The following PLCB4 variants were observed in gnomAD, a reference collection of about 807,000 sequenced individuals.
PLCB4 encodes phospholipase C beta 4, also known as 1-phosphatidylinositol 4,5-bisphosphate phosphodiesterase beta-4.
In PLCB4, 77 loss-of-function variants were observed where a neutral mutation model predicts 178.8. That is an observed-to-expected ratio of 0.43 (90% confidence interval 0.36 to 0.52). The LOEUF is 0.52. PLCB4 is among the 20% of genes least tolerant of loss of function. The pLI is 0.00. For synonymous variants in PLCB4, 496 were observed against 490.8 expected, an observed-to-expected ratio of 1.01 and a Z score of -0.14; for missense variants, 1,024 against 1,453.4, an observed-to-expected ratio of 0.70 and a Z score of 4.80.
Position 9,410,928 on chromosome 20 carries a change from G to C in PLCB4, c.2000-109G>C, listed in dbSNP as rs145190431. ...AAGCAGAACCTTGTAGTATTAAAGA[G>C]GGACCTGTGGGCCTAGGAGCAATCT... On this transcript the variant is annotated intron_variant, in intron 24 of 39. Transcript: ENST00000378473. 63 of 725,544 alleles carry C rather than the reference G, an allele frequency of 8.7e-5. 1 individual carries two copies. The East Asian group carries it at 1.1e-3, about 13-fold the overall frequency. The allele number at this position is 725,544 out of a possible 1,614,324, so 44.9% of individuals were successfully genotyped here.
At chr20:9,283,191 G>C (rs1032647907) in intron 3 of PLCB4, among the ~76,000 whole-genome samples, 1 of 151,946 alleles carries the variant, frequency 6.6e-6, no homozygotes, top group African/African-American at 2.4e-5. Context: ...GAAACCATTG[G>C]CCTGAACTAG....
At chr20:9,258,789 A>G (rs2094266317) in intron 3 of PLCB4, among the ~76,000 whole-genome samples, 1 of 152,032 alleles carries the variant, frequency 6.6e-6, no homozygotes, top group Non-Finnish European at 1.5e-5. Context: ...GTTTGGAGGT[A>G]AAATTATTCT....
chr20:9,270,325 G>A (rs2094390750), intron 3 of PLCB4, among the ~76,000 whole-genome samples: 1 of 152,026 alleles, frequency 6.6e-6, no homozygotes, highest in Non-Finnish European at 1.5e-5. Flanking sequence ...TCTGTTGTTT[G>A]TCTGTATTCC....
chr20:9,342,713 T>C (rs1362399033), intron 7 of PLCB4, among the ~76,000 whole-genome samples: 1 of 151,734 alleles, frequency 6.6e-6, no homozygotes, highest in Non-Finnish European at 1.5e-5. Flanking sequence ...GCCAGTTTGG[T>C]TTCTTTAAGG....
chr20:9,431,049 G>C (rs2041359837), intron 28 of PLCB4, among the ~76,000 whole-genome samples: 1 of 152,212 alleles, frequency 6.6e-6, no homozygotes, highest in Admixed American at 6.5e-5. Context: ...ACCACAGACT[G>C]GGTGGTTTAA....
intron 12 of PLCB4, among the ~76,000 whole-genome samples, chr20:9,374,397 A>C (rs1426519622): frequency 6.6e-6 from 1 of 152,160 alleles, no homozygotes; most frequent in Non-Finnish European, 1.5e-5. Context: ...CTCAGAAGTT[A>C]AATTGCTTTG....
rs911813391 is a variant in PLCB4, at chr20:9,368,945, G to T, written c.504-2269G>T. Among the ~76,000 whole-genome samples the T allele has an allele frequency of 6.6e-5, 10 of 152,070 alleles. No homozygotes were observed. In the East Asian group the frequency reaches 1.9e-3, roughly 29 times the overall value. On this transcript the variant is annotated intron_variant, in intron 9 of 39. Transcript: ENST00000378473. ...AGGCACTAAGCTTATGTGAACATGG[G>T]GCTATATAGAGATTTGAGTAAATCA...
chr20:9,470,102 G>A (rs1355803991), intron 36 of PLCB4, among the ~76,000 whole-genome samples: 2 of 152,144 alleles, frequency 1.3e-5, no homozygotes, highest in Non-Finnish European at 2.9e-5. Context: ...GCCGAGGTGG[G>A]CAGATTACCT....
At chr20:9,325,217 C>G (rs954217312) in intron 4 of PLCB4, among the ~76,000 whole-genome samples, 3 of 152,266 alleles carry the variant, frequency 2.0e-5, no homozygotes, top group Admixed American at 6.5e-5. Flanking sequence ...TATAAGGGGA[C>G]AGCCACATAA....
chr20:9,259,673 A>G (rs908562141), intron 3 of PLCB4, among the ~76,000 whole-genome samples: 15 of 152,178 alleles, frequency 9.9e-5, no homozygotes, highest in Admixed American at 6.5e-4. Flanking sequence ...GTTTGAGCAT[A>G]TTATCTAAAG....
At chr20:9,150,830 A>G (rs2092679096) in intron 2 of PLCB4, among the ~76,000 whole-genome samples, 1 of 152,178 alleles carries the variant, frequency 6.6e-6, no homozygotes, top group Non-Finnish European at 1.5e-5. Context: ...TAACTCTAGC[A>G]AAGTGTAGGT....
chr20:9,413,203 G>A (rs902710257), intron 25 of PLCB4, among the ~76,000 whole-genome samples: 2 of 152,140 alleles, frequency 1.3e-5, no homozygotes, highest in Non-Finnish European at 2.9e-5. Context: ...GGTGATGCTT[G>A]AAGCACTTTC....
intron 2 of PLCB4, chr20:9,166,771 T>G (rs760891091): frequency 1.4e-4 from 22 of 152,176 alleles, no homozygotes; most frequent in Admixed American, 6.5e-4. Context: ...TTGTTAAGTT[T>G]ATGGTTTCTG....
At chr20:9,438,235 G>A (rs979605580) in intron 30 of PLCB4, among the ~76,000 whole-genome samples, 1 of 152,038 alleles carries the variant, frequency 6.6e-6, no homozygotes, top group East Asian at 1.9e-4. Context: ...GCATGGTGGC[G>A]AGCCCCTGTA....
At chr20:9,451,677 A>T (rs575264464) in intron 32 of PLCB4, among the ~76,000 whole-genome samples, 24 of 152,350 alleles carry the variant, frequency 1.6e-4, no homozygotes, top group Non-Finnish European at 2.2e-4. Flanking sequence ...TGATATCCCT[A>T]TCTCAAGTCA....
chr20:9,203,788 T>G (rs890572222), intron 2 of PLCB4, among the ~76,000 whole-genome samples: 13 of 136,864 alleles, frequency 9.5e-5, no homozygotes, highest in East Asian at 2.0e-4. Context: ...TTTTTTTTTT[T>G]TTTTTTTTTT....
At chr20:9,161,888 A>G (rs141804490) in intron 2 of PLCB4, among the ~76,000 whole-genome samples, 175 of 152,350 alleles carry the variant, frequency 1.1e-3, no homozygotes, top group Middle Eastern at 0.01. Flanking sequence ...ATAATTATTA[A>G]TAAACTAAAA....
chr20:9,207,020 G>T (rs2093622719), intron 2 of PLCB4, among the ~76,000 whole-genome samples: 1 of 152,140 alleles, frequency 6.6e-6, no homozygotes, highest in African/African-American at 2.4e-5. Context: ...GGAGGCTGAG[G>T]CAGGAGAATC....
chr20:9,173,686 T>C (rs1191186294), intron 2 of PLCB4, among the ~76,000 whole-genome samples: 1 of 152,202 alleles, frequency 6.6e-6, no homozygotes, highest in African/African-American at 2.4e-5. Context: ...CTTTGATCCT[T>C]CTTCCTCTCT....
Sources: gnomAD v4.1 joint callset for allele counts (sites outside exome capture counted in the v4.1 genomes callset) on GRCh38, gnomAD v4.1.1 for gene constraint, MANE v1.5 for transcripts, NCBI Gene and HGNC (gene_info 2026-07-23, HGNC 2026-07-21) for gene names.